Variants in SNAP91 observed in about 807,000 individuals in gnomAD.
The protein encoded by SNAP91 is synaptosome associated protein 91.
In SNAP91, 27 loss-of-function variants were observed where a neutral mutation model predicts 100.3. That is an observed-to-expected ratio of 0.27 (90% confidence interval 0.20 to 0.37). The LOEUF is 0.37. Among genes scored for constraint, SNAP91 ranks in the 10% least tolerant of loss-of-function variants. The pLI is 1.00. For missense variants in SNAP91, 986 were observed against 1,123.7 expected, an observed-to-expected ratio of 0.88 and a Z score of 1.75; for synonymous variants, 404 against 398.6, an observed-to-expected ratio of 1.01 and a Z score of -0.16.
At chr6:83,614,885 A>C in intron 10 of SNAP91, 23 bp from the exon 11 acceptor site, 1 of 1,584,568 alleles carries the variant, frequency 6.3e-7, no homozygotes, top group Non-Finnish European at 8.6e-7. Context: ...GGTAAGCACA[A>C]ACATACAAAG....
chr6:83,630,696 T>C (rs1431924915), intron 8 of SNAP91, among the ~76,000 whole-genome samples: 2 of 152,130 alleles, frequency 1.3e-5, no homozygotes, highest in Admixed American at 6.6e-5. Context: ...TGTCTCCCAT[T>C]TCATTTCTTA....
chr6:83,607,870 A>C, intron 12 of SNAP91, 62 bp from the exon 13 acceptor site: 1 of 971,482 alleles, frequency 1.0e-6, no homozygotes, highest in Non-Finnish European at 1.5e-6. Flanking sequence ...ACAGGGCAGC[A>C]GGACTTTTCT....
intron 23 of SNAP91, 101 bp downstream of exon 23, chr6:83,582,120 TA>T: frequency 7.8e-7 from 1 of 1,274,782 alleles, no homozygotes; most frequent in East Asian, 2.3e-5. Context: ...TATCACTCAA[TA>T]TTTGCTTGTT....
intron 11 of SNAP91, among the ~76,000 whole-genome samples, chr6:83,611,783 G>A (rs370512503): frequency 3.5e-4 from 53 of 150,034 alleles, no homozygotes; most frequent in African/African-American, 1.2e-3. Context: ...TGCAAGCTCC[G>A]CCTCCCGGGT....
chr6:83,635,096 A>T (rs925965173), intron 8 of SNAP91, among the ~76,000 whole-genome samples: 4 of 152,194 alleles, frequency 2.6e-5, no homozygotes, highest in African/African-American at 9.6e-5. Flanking sequence ...TGTAGAGGTG[A>T]CAAGAACATA....
chr6:83,658,616 A>C (rs563437910), intron 6 of SNAP91, among the ~76,000 whole-genome samples: 1 of 152,312 alleles, frequency 6.6e-6, no homozygotes, highest in African/African-American at 2.4e-5. Flanking sequence ...AAAAAAATAA[A>C]TAAATAAAAC....
At chr6:83,614,883 CA>C in intron 10 of SNAP91, 21 bp from the exon 11 acceptor site, 1 of 1,583,622 alleles carries the variant, frequency 6.3e-7, no homozygotes, top group Non-Finnish European at 8.6e-7. Flanking sequence ...AAGGTAAGCA[CA>C]AACATACAAA....
chr6:83,702,639 T>C (rs982900978), intron 2 of SNAP91, among the ~76,000 whole-genome samples: 3 of 152,186 alleles, frequency 2.0e-5, no homozygotes, highest in Middle Eastern at 3.4e-3. Flanking sequence ...AAAACAACTT[T>C]TTAAAAATCA....
At chr6:83,643,945 T>A (rs1300094616) in intron 7 of SNAP91, among the ~76,000 whole-genome samples, 1 of 152,208 alleles carries the variant, frequency 6.6e-6, no homozygotes, top group Non-Finnish European at 1.5e-5. Context: ...ATGCAATGGA[T>A]AAACTCACGG....
chr6:83,690,746 C>A (rs1466692043), intron 2 of SNAP91, among the ~76,000 whole-genome samples: 1 of 151,880 alleles, frequency 6.6e-6, no homozygotes, highest in Non-Finnish European at 1.5e-5. Context: ...ATGAGATGGG[C>A]AGTATTAGAT....
chr6:83,555,904 T>G (rs1227744396), intron 29 of SNAP91, among the ~76,000 whole-genome samples: 3 of 152,164 alleles, frequency 2.0e-5, no homozygotes, highest in Non-Finnish European at 2.9e-5. Flanking sequence ...TTAAAGCTAA[T>G]CGTTGTGCTT....
At chr6:83,659,183 C>A in intron 5 of SNAP91, 91 bp from the exon 6 acceptor site, 1 of 919,648 alleles carries the variant, frequency 1.1e-6, no homozygotes, top group Admixed American at 2.6e-5. Flanking sequence ...CCCCACACCA[C>A]CCCATTTCCT....
At position 83,634,669 on chromosome 6, in the gene SNAP91, T is replaced by C. The variant is rs368910094; in HGVS notation, c.765+6427A>G. The stretch of plus-strand genomic sequence containing the variant: ...GTTCTGCTCTGACTTTGGCTATTTG[T>C]TTTCTTCTGCTAGCTTTGGGATTAG... On this transcript the variant is annotated intron_variant, in intron 8 of 29. Coordinates refer to ENST00000369694, the MANE Select transcript of SNAP91 (RefSeq NM_001242792.2). Among the ~76,000 whole-genome samples, 11 of 152,312 alleles carry C rather than the reference T, an allele frequency of 7.2e-5. No homozygotes were observed. In the South Asian group the frequency reaches 1.9e-3, roughly 26 times the overall value.
chr6:83,606,769 A>G (rs2128283494), intron 13 of SNAP91, among the ~76,000 whole-genome samples: 1 of 152,332 alleles, frequency 6.6e-6, no homozygotes, highest in East Asian at 1.9e-4. Context: ...AAGTTTCAAA[A>G]CCACTGAAAC....
chr6:83,657,178 T>C lies in SNAP91; in HGVS notation c.547-313A>G, dbSNP rs192700950. Reference sequence around the variant, plus strand: ...TCTGGTGTTTTGTTACTTTTACTGTTATGTTACATTTCTTCCACTTCTCCT... The same window carrying C: ...TCTGGTGTTTTGTTACTTTTACTGTCATGTTACATTTCTTCCACTTCTCCT... On this transcript the variant is annotated intron_variant, in intron 6 of 29. Transcript: ENST00000369694. Among the ~76,000 whole-genome samples, 999 of 152,316 alleles carry C rather than the reference T, an allele frequency of 6.6e-3. 7 individuals carry two copies. Among genetic ancestry groups the C allele is most frequent in the African/African-American group, 0.023 (947 of 41,550 alleles).
intron 7 of SNAP91, among the ~76,000 whole-genome samples, chr6:83,643,751 C>T (rs1356848238): frequency 1.3e-5 from 2 of 152,134 alleles, no homozygotes; most frequent in African/African-American, 2.4e-5. Context: ...CTTCTGTTGA[C>T]AGTCTTTGGG....
intron 2 of SNAP91, among the ~76,000 whole-genome samples, chr6:83,681,703 G>A (rs956857731): frequency 1.3e-5 from 2 of 152,138 alleles, no homozygotes; most frequent in Non-Finnish European, 2.9e-5. Context: ...AGTGCTCTAT[G>A]AGAGCAAGGG....
At chr6:83,625,165 T>A (rs918291804) in intron 8 of SNAP91, among the ~76,000 whole-genome samples, 2 of 152,156 alleles carry the variant, frequency 1.3e-5, no homozygotes, top group African/African-American at 4.8e-5. Flanking sequence ...TCTGCATTAG[T>A]TCACTTACGA....
chr6:83,594,538 C>T, intron 16 of SNAP91, 57 bp from the exon 17 acceptor site: 1 of 1,081,322 alleles, frequency 9.2e-7, no homozygotes, highest in Non-Finnish European at 1.3e-6. Context: ...GAAGAAAATA[C>T]AGTAAAAGAA....
Sources: allele counts gnomAD v4.1 joint callset (sites outside exome capture counted in the v4.1 genomes callset), GRCh38; gene constraint gnomAD v4.1.1; transcripts MANE v1.5; gene names NCBI Gene and HGNC (gene_info 2026-07-23, HGNC 2026-07-21).